GULP1: variants seen among roughly 807,000 people sequenced by gnomAD.
GULP1 encodes the protein PTB domain-containing engulfment adapter protein 1.
A neutral mutation model predicts 40.9 loss-of-function variants in GULP1; 19 were observed. The ratio of observed to expected loss-of-function variants is 0.46; its 90% CI spans 0.32 to 0.68. GULP1 has a LOEUF of 0.68. GULP1 is among the 30% of genes least tolerant of loss of function. The pLI is 0.03. For missense variants in GULP1, 312 were observed against 362.2 expected, an observed-to-expected ratio of 0.86 and a Z score of 1.12; for synonymous variants, 119 against 117.6, an observed-to-expected ratio of 1.01 and a Z score of -0.08.
chr2:188,453,287 A>G (rs1235843598), intron 2 of GULP1, among the ~76,000 whole-genome samples: 4 of 147,760 alleles, frequency 2.7e-5, no homozygotes, highest in African/African-American at 1.0e-4. Flanking sequence ...ATTTCAGAGT[A>G]TTGATCTATT....
intron 1 of GULP1, among the ~76,000 whole-genome samples, chr2:188,331,842 T>C: frequency 6.6e-6 from 1 of 152,354 alleles, no homozygotes; most frequent in African/African-American, 2.4e-5. Context: ...CATATAACTT[T>C]TATCATTAAA....
At chr2:188,448,615 G>A (rs564036975) in intron 2 of GULP1, among the ~76,000 whole-genome samples, 2 of 152,218 alleles carry the variant, frequency 1.3e-5, no homozygotes, top group South Asian at 4.1e-4. Flanking sequence ...ATAAAATAAA[G>A]GTTGTTTTAC....
chr2:188,499,127 A>G (rs947633216), intron 4 of GULP1, among the ~76,000 whole-genome samples: 2 of 116,596 alleles, frequency 1.7e-5, no homozygotes, highest in Admixed American at 8.9e-5. Flanking sequence ...ATGCACATAT[A>G]TGTGTGTGTA....
intron 1 of GULP1, among the ~76,000 whole-genome samples, chr2:188,334,920 A>G (rs552739151): frequency 2.6e-4 from 39 of 152,210 alleles, no homozygotes; most frequent in Non-Finnish European, 4.4e-4. Context: ...CTGTCATGGT[A>G]TAGGAGGAAA....
At chr2:188,462,977 T>C (rs927523537) in intron 2 of GULP1, among the ~76,000 whole-genome samples, 3 of 152,170 alleles carry the variant, frequency 2.0e-5, no homozygotes, top group Admixed American at 6.5e-5. Context: ...TGTTCCATTT[T>C]TCTTGAAAAG....
At chr2:188,507,506 T>TGA (rs1157288300) in intron 4 of GULP1, among the ~76,000 whole-genome samples, 3 of 151,056 alleles carry the variant, frequency 2.0e-5, no homozygotes, top group African/African-American at 7.3e-5. Context: ...GGAATAAGTA[T>TGA]CATGACTCTA....
chr2:188,383,135 G>A (rs2049222099), intron 1 of GULP1, among the ~76,000 whole-genome samples: 1 of 152,148 alleles, frequency 6.6e-6, no homozygotes, highest in South Asian at 2.1e-4. Context: ...ACTTATGTCA[G>A]CGGTACATTC....
chr2:188,389,325 A>T (rs1323170438), intron 2 of GULP1, among the ~76,000 whole-genome samples: 1 of 152,226 alleles, frequency 6.6e-6, no homozygotes, highest in Non-Finnish European at 1.5e-5. Context: ...TTAAGGATTC[A>T]TTTATTTATT....
At chr2:188,482,301 T>A (rs2061501748) in intron 3 of GULP1, among the ~76,000 whole-genome samples, 1 of 151,988 alleles carries the variant, frequency 6.6e-6, no homozygotes, top group Non-Finnish European at 1.5e-5. Flanking sequence ...AAGAACATAT[T>A]AAGGGTATCA....
chr2:188,511,806 G>A (rs2064582212), intron 4 of GULP1, among the ~76,000 whole-genome samples: 1 of 151,894 alleles, frequency 6.6e-6, no homozygotes, highest in Admixed American at 6.6e-5. Context: ...TATAAAATGT[G>A]GACTTTTTAA....
chr2:188,545,415 A>G (rs1027855668), intron 7 of GULP1, among the ~76,000 whole-genome samples: 4 of 151,926 alleles, frequency 2.6e-5, no homozygotes, highest in Non-Finnish European at 5.9e-5. Flanking sequence ...ATATATGGAC[A>G]TGAAATATGT....
chr2:188,418,474 A>C (rs1250252088), intron 2 of GULP1, among the ~76,000 whole-genome samples: 1 of 152,132 alleles, frequency 6.6e-6, no homozygotes, highest in Non-Finnish European at 1.5e-5. Flanking sequence ...TCTACTAAAA[A>C]TACAAAAAAT....
intron 1 of GULP1, among the ~76,000 whole-genome samples, chr2:188,328,244 A>G (rs184009915): frequency 9.2e-5 from 14 of 152,276 alleles, no homozygotes; most frequent in African/African-American, 2.6e-4. Flanking sequence ...GAAACCTTAT[A>G]GCAACTTAAT....
chr2:188,418,317 A>G (rs2054866901), intron 2 of GULP1, among the ~76,000 whole-genome samples: 1 of 152,070 alleles, frequency 6.6e-6, no homozygotes, highest in South Asian at 2.1e-4. Flanking sequence ...CATGATGAAT[A>G]TATTACTTTT....
intron 1 of GULP1, among the ~76,000 whole-genome samples, chr2:188,306,968 A>G (rs2037198769): frequency 6.6e-6 from 1 of 152,184 alleles, no homozygotes; most frequent in African/African-American, 2.4e-5. Flanking sequence ...GGAGGTAAAC[A>G]GTAGGATGTA....
intron 2 of GULP1, among the ~76,000 whole-genome samples, chr2:188,405,893 G>A (rs887739187): frequency 2.6e-5 from 4 of 152,156 alleles, no homozygotes; most frequent in Non-Finnish European, 4.4e-5. Flanking sequence ...ATGCCACAAG[G>A]TTAAGAACAG....
At chr2:188,510,434 C>A (rs186138555) in intron 4 of GULP1, among the ~76,000 whole-genome samples, 3 of 151,948 alleles carry the variant, frequency 2.0e-5, no homozygotes, top group Admixed American at 2.0e-4. Flanking sequence ...TAGATTCCAG[C>A]GCACTTAAAT....
At chr2:188,489,373 G>T (rs2062149104) in intron 4 of GULP1, among the ~76,000 whole-genome samples, 1 of 151,928 alleles carries the variant, frequency 6.6e-6, no homozygotes, top group Non-Finnish European at 1.5e-5. Context: ...TATAAGAAAC[G>T]TAAAGAGCTC....
chr2:188,515,523 A>T (rs1277275503), intron 4 of GULP1, among the ~76,000 whole-genome samples: 2 of 152,112 alleles, frequency 1.3e-5, no homozygotes, highest in African/African-American at 2.4e-5. Context: ...AATATGCTTG[A>T]GTGTATGTTT....
Sources: allele counts gnomAD v4.1 joint callset (sites outside exome capture counted in the v4.1 genomes callset), GRCh38; gene constraint gnomAD v4.1.1; transcripts MANE v1.5; gene names NCBI Gene and HGNC (gene_info 2026-07-23, HGNC 2026-07-21).